Variants in TCF12 observed in about 807,000 individuals in gnomAD.
TCF12 encodes the protein DNA-binding protein HTF4.
Under a neutral mutation model 86.0 loss-of-function variants are expected in TCF12, and 45 were observed. The observed-to-expected ratio is 0.52, with a 90% CI of 0.41 to 0.67. The LOEUF (loss-of-function observed/expected upper bound fraction) is 0.67, where lower values mean the gene tolerates loss of function less well. Among genes scored for constraint, TCF12 ranks in the 30% least tolerant of loss-of-function variants. The probability of loss-of-function intolerance (pLI) is 0.00; values close to 1 mark genes in which losing one functional copy is unlikely to be tolerated. For missense variants in TCF12, 881 were observed against 859.9 expected, an observed-to-expected ratio of 1.02 and a Z score of -0.31; for synonymous variants, 330 against 299.6, an observed-to-expected ratio of 1.10 and a Z score of -1.05.
At chr15:57,142,317 A>ATAGATAGT (rs2053031772) in intron 5 of TCF12, among the ~76,000 whole-genome samples, 1 of 151,952 alleles carries the variant, frequency 6.6e-6, no homozygotes, top group Non-Finnish European at 1.5e-5. Context: ...AGATAGATAG[A>ATAGATAGT]TAGATAGATA....
intron 19 of TCF12, among the ~76,000 whole-genome samples, chr15:57,280,300 A>G (rs2061628560): frequency 6.6e-6 from 1 of 152,210 alleles, no homozygotes; most frequent in African/African-American, 2.4e-5. Flanking sequence ...AATGATGAAC[A>G]TACTATTTTT....
At chr15:57,075,000 T>C (rs1396824050) in intron 4 of TCF12, among the ~76,000 whole-genome samples, 1 of 150,420 alleles carries the variant, frequency 6.6e-6, no homozygotes, top group Non-Finnish European at 1.5e-5. Flanking sequence ...CTTGAAACGT[T>C]TCCCTTCAAC....
At chr15:57,019,607 C>T (rs2141239785) in intron 3 of TCF12, among the ~76,000 whole-genome samples, 1 of 152,234 alleles carries the variant, frequency 6.6e-6, no homozygotes, top group Non-Finnish European at 1.5e-5. Context: ...CTGAGTCCAC[C>T]CACCTCTGGG....
rs551255130 is a variant in TCF12 at position 56,919,976 on chromosome 15, G to A, written c.63G>A (p.Leu21=). The A allele has an allele frequency of 6.2e-6, 10 of 1,614,044 alleles. No individual in the cohort carries two copies. The highest frequency in any genetic ancestry group is 7.6e-6 in the Non-Finnish European group (9 of 1,179,976). Residue 21 remains leucine, a synonymous_variant, in exon 2 of 21, where the codon CTG becomes CTA. Transcript: ENST00000333725. The stretch of plus-strand genomic sequence containing the variant: ...CCGACAAGGAGCTGAGCGACCTACT[G>A]GACTTCAGTGCGGTATGAGAGCTTT... The part of the protein sequence containing the change: ...IGTDKELSDL[L]DFSAMFSPPV...
intron 5 of TCF12, among the ~76,000 whole-genome samples, chr15:57,103,500 G>A (rs1053479411): frequency 6.6e-6 from 1 of 152,034 alleles, no homozygotes; most frequent in East Asian, 1.9e-4. Context: ...AAAGTTAAAC[G>A]CAAATTGTAT....
chr15:56,919,136 C>A lies in TCF12; in HGVS notation c.-23+230C>A, dbSNP rs912931209. On this transcript the variant is annotated intron_variant, in intron 1 of 20. Transcript: ENST00000333725. ...GGCGGCGCGCTCGGCCTGTGCGCCC[C>A]GTTCGGTGCCCGACTCGGGCCGGCG... 3 of 151,594 alleles carry A rather than the reference C, an allele frequency of 2.0e-5. No homozygotes were observed. In the South Asian group the frequency reaches 6.2e-4, roughly 31 times the overall value. The allele number at this position is 151,594 out of a possible 1,614,324, so 9.4% of individuals were successfully genotyped here.
In TCF12 at chr15:57,091,815, T is replaced by C. The variant is rs748300925; in HGVS notation, c.249T>C (p.Ser83=). The change falls in exon 5 of 21, where the codon AGT becomes AGC. Residue 83 remains serine (S), a synonymous_variant. Coordinates refer to ENST00000333725, the MANE Select transcript of TCF12 (RefSeq NM_207037.2). ...GTTTTACAGACAGCCCTCATTACAG[T>C]GATCACTTGAATGACAGTCGATTAG... ...SRGFTDSPHY[S]DHLNDSRLGA... 1 of 1,613,838 alleles carries C rather than the reference T, an allele frequency of 6.2e-7. No individual in the cohort carries two copies. Among genetic ancestry groups the C allele is most frequent in the Non-Finnish European group, 8.5e-7 (1 of 1,179,798 alleles).
intron 3 of TCF12, among the ~76,000 whole-genome samples, chr15:57,045,149 A>T (rs1408703903): frequency 6.6e-6 from 1 of 152,218 alleles, no homozygotes; most frequent in African/African-American, 2.4e-5. Flanking sequence ...GACACTTAGA[A>T]ATGACTCCAT....
At chr15:57,274,921 AG>A (rs2152105927) in intron 19 of TCF12, among the ~76,000 whole-genome samples, 1 of 152,310 alleles carries the variant, frequency 6.6e-6, no homozygotes, top group Non-Finnish European at 1.5e-5. Context: ...CATTAAAATG[AG>A]AAATACTTCT....
intron 4 of TCF12, among the ~76,000 whole-genome samples, chr15:57,089,666 T>G (rs1189778076): frequency 6.6e-6 from 1 of 152,080 alleles, no homozygotes; most frequent in Non-Finnish European, 1.5e-5. Context: ...ACAAAATTGC[T>G]CTTTCATTTG....
intron 4 of TCF12, among the ~76,000 whole-genome samples, chr15:57,072,352 A>G (rs11856411): frequency 0.25 from 37,474 of 152,124 alleles, 5,447 homozygotes; most frequent in East Asian, 0.4. Flanking sequence ...TTGTATTAAA[A>G]CAGATTGTTT....
At chr15:57,174,883 G>A (rs2055795949) in intron 6 of TCF12, among the ~76,000 whole-genome samples, 1 of 152,152 alleles carries the variant, frequency 6.6e-6, no homozygotes, top group Admixed American at 6.5e-5. Context: ...TCACTTAGAT[G>A]TTAGTTCTTC....
chr15:57,098,359 T>C (rs1174911722), intron 5 of TCF12, among the ~76,000 whole-genome samples: 1 of 152,234 alleles, frequency 6.6e-6, no homozygotes, highest in Non-Finnish European at 1.5e-5. Flanking sequence ...CTCTGCTGTC[T>C]TGTTCTTTCT....
chr15:57,075,868 C>CT (rs200013468), intron 4 of TCF12, among the ~76,000 whole-genome samples: 110 of 55,240 alleles, frequency 2.0e-3, no homozygotes, highest in African/African-American at 7.1e-3. Context: ...TCTTTCCATT[C>CT]TTTTTTTTTA....
chr15:57,144,995 A>G (rs1306041680), intron 5 of TCF12, among the ~76,000 whole-genome samples: 1 of 152,214 alleles, frequency 6.6e-6, no homozygotes, highest in Non-Finnish European at 1.5e-5. Context: ...TATACTATAT[A>G]CTATGAGCAT....
At chr15:57,267,391 GT>G (rs1266473569) in intron 18 of TCF12, among the ~76,000 whole-genome samples, 6 of 152,194 alleles carry the variant, frequency 3.9e-5, no homozygotes, top group African/African-American at 1.4e-4. Flanking sequence ...GGAAAAAACT[GT>G]GTCAAGGAAT....
Position 57,286,848 on chromosome 15 carries a change from A to G in TCF12, c.*703A>G. 2.7e-6 allele frequency: 1 copy of G among 369,596 alleles called. No individual in the cohort carries two copies. The highest frequency in any genetic ancestry group is 5.3e-6 in the Non-Finnish European group (1 of 188,990). The allele number at this position is 369,596 out of a possible 1,614,324, so 22.9% of individuals were successfully genotyped here. A position where few individuals can be genotyped will look rare whatever the true frequency, so the allele number is the denominator to read the frequency against. On this transcript the variant is annotated 3_prime_UTR_variant, in exon 21 of 21. Coordinates refer to ENST00000333725, the MANE Select transcript of TCF12 (RefSeq NM_207037.2). ...GTGTTATATTTGATCTCTAAATCTG[A>G]ACAGTTTATGGTCACAGTCCAGCCT... is the stretch of plus-strand genomic sequence containing the variant.
chr15:57,027,758 G>A (rs1444068119), intron 3 of TCF12, among the ~76,000 whole-genome samples: 4 of 151,986 alleles, frequency 2.6e-5, no homozygotes, highest in African/African-American at 9.7e-5. Flanking sequence ...GATTCCCCAC[G>A]TGAATCATGG....
chr15:57,029,274 G>C (rs1406696931), intron 3 of TCF12, among the ~76,000 whole-genome samples: 2 of 151,258 alleles, frequency 1.3e-5, no homozygotes, highest in Non-Finnish European at 2.9e-5. Context: ...AAAATCATTT[G>C]ACCACATGTA....
Sources: gnomAD v4.1 joint callset for allele counts (sites outside exome capture counted in the v4.1 genomes callset) on GRCh38, gnomAD v4.1.1 for gene constraint, MANE v1.5 for transcripts, NCBI Gene and HGNC (gene_info 2026-07-23, HGNC 2026-07-21) for gene names.